The following PCDH15 variants were observed in gnomAD, a reference collection of about 807,000 sequenced individuals.
The protein encoded by PCDH15 is protocadherin related 15.
A neutral mutation model predicts 178.5 loss-of-function variants in PCDH15; 129 were observed. The ratio of observed to expected loss-of-function variants is 0.72; its 90% CI spans 0.63 to 0.84. PCDH15 has a LOEUF of 0.84. Among genes scored for constraint, PCDH15 ranks in the 40% least tolerant of loss-of-function variants. The pLI is 0.00. For synonymous variants in PCDH15, 800 were observed against 732.0 expected, an observed-to-expected ratio of 1.09 and a Z score of -1.50; for missense variants, 2,230 against 2,099.9, an observed-to-expected ratio of 1.06 and a Z score of -1.21.
intron 21 of PCDH15, among the ~76,000 whole-genome samples, chr10:53,980,594 TTAAC>T (rs1225284022): frequency 1.3e-5 from 2 of 152,146 alleles, no homozygotes; most frequent in African/African-American, 4.8e-5. Context: ...GGAGGAAAAA[TTAAC>T]TAACATCAAT....
At chr10:55,232,205 CAT>C (rs34369630) in intron 1 of PCDH15, among the ~76,000 whole-genome samples, 39,198 of 151,494 alleles carry the variant, frequency 0.26, 5,315 homozygotes, top group Middle Eastern at 0.34. Flanking sequence ...TATAAGGACT[CAT>C]ATGTTATATT....
intron 17 of PCDH15, among the ~76,000 whole-genome samples, chr10:54,079,054 C>G (rs567914587): frequency 1.3e-5 from 2 of 152,080 alleles, no homozygotes; most frequent in Non-Finnish European, 2.9e-5. Context: ...AATGGAATAC[C>G]TGTTAGAATA....
At chr10:54,471,936 C>T (rs1010838073) in intron 3 of PCDH15, among the ~76,000 whole-genome samples, 3 of 151,814 alleles carry the variant, frequency 2.0e-5, no homozygotes, top group African/African-American at 7.3e-5. Context: ...AGTCATAGCA[C>T]AGAATATAAA....
chr10:54,494,379 C>A (rs1269345247), intron 3 of PCDH15, among the ~76,000 whole-genome samples: 1 of 152,084 alleles, frequency 6.6e-6, no homozygotes, highest in African/African-American at 2.4e-5. Flanking sequence ...GACACAGATC[C>A]TCCAAATTCA....
intron 25 of PCDH15, among the ~76,000 whole-genome samples, chr10:53,907,466 G>A (rs1209846841): frequency 6.6e-6 from 1 of 152,160 alleles, no homozygotes. Flanking sequence ...GTATTGGAAA[G>A]AGAACCACAA....
intron 2 of PCDH15, among the ~76,000 whole-genome samples, chr10:55,624,995 G>A (rs1837493356): frequency 6.6e-6 from 1 of 152,042 alleles, no homozygotes; most frequent in African/African-American, 2.4e-5. Context: ...CATTTGTAGG[G>A]AAAAAGATAA....
At chr10:54,429,652 C>T (rs1238672857) in intron 3 of PCDH15, among the ~76,000 whole-genome samples, 1 of 151,892 alleles carries the variant, frequency 6.6e-6, no homozygotes, top group Non-Finnish European at 1.5e-5. Context: ...ATATTCTATG[C>T]CAATAAAAAC....
intron 1 of PCDH15, among the ~76,000 whole-genome samples, chr10:55,312,299 T>A (rs1843603430): frequency 6.6e-6 from 1 of 152,004 alleles, no homozygotes; most frequent in Non-Finnish European, 1.5e-5. Context: ...AATGCAATGG[T>A]AAAGGGTATC....
chr10:54,542,415 A>G (rs1323069595), intron 2 of PCDH15, among the ~76,000 whole-genome samples: 2 of 152,174 alleles, frequency 1.3e-5, no homozygotes, highest in Non-Finnish European at 2.9e-5. Context: ...CCTTGTCATG[A>G]AGAGTGTTTG....
At chr10:54,661,279 C>A (rs753758233) in intron 2 of PCDH15, among the ~76,000 whole-genome samples, 5 of 151,832 alleles carry the variant, frequency 3.3e-5, no homozygotes, top group Non-Finnish European at 4.4e-5. Flanking sequence ...AAATAAAAAT[C>A]TCAATTTCAT....
At chr10:55,290,117 TAAAC>T (rs1376196444) in intron 1 of PCDH15, among the ~76,000 whole-genome samples, 2 of 151,812 alleles carry the variant, frequency 1.3e-5, no homozygotes, top group Non-Finnish European at 2.9e-5. Flanking sequence ...CAACAGAAAA[TAAAC>T]AAAGGCATCT....
At chr10:54,823,447 T>G (rs550754532) in intron 3 of PCDH15, among the ~76,000 whole-genome samples, 89 of 152,114 alleles carry the variant, frequency 5.9e-4, no homozygotes, top group Non-Finnish European at 9.7e-4. Context: ...CTGGTAACAT[T>G]CCAACACTGT....
At chr10:55,386,860 C>A (rs988301857) in intron 2 of PCDH15, among the ~76,000 whole-genome samples, 10 of 151,880 alleles carry the variant, frequency 6.6e-5, no homozygotes, top group Admixed American at 2.6e-4. Flanking sequence ...AATTTTGGAG[C>A]GATTTCTAAG....
intron 13 of PCDH15, among the ~76,000 whole-genome samples, chr10:54,168,593 G>T (rs1311714683): frequency 1.3e-5 from 2 of 151,952 alleles, no homozygotes; most frequent in African/African-American, 2.4e-5. Flanking sequence ...CTCTTAAAAA[G>T]GTGGCTGGAG....
At chr10:53,905,209 C>A (rs765688651) in intron 25 of PCDH15, 1 of 518,954 alleles carries the variant, frequency 1.9e-6, no homozygotes, top group Non-Finnish European at 3.8e-6. Flanking sequence ...GACTAAACGT[C>A]ATCTGCTCCC....
At chr10:54,030,053 T>C (rs2093246701) in intron 18 of PCDH15, among the ~76,000 whole-genome samples, 1 of 152,114 alleles carries the variant, frequency 6.6e-6, no homozygotes, top group Non-Finnish European at 1.5e-5. Flanking sequence ...ATTATTTAGA[T>C]AGAAAATTTT....
intron 2 of PCDH15, among the ~76,000 whole-genome samples, chr10:54,601,922 A>G: frequency 6.6e-6 from 1 of 151,958 alleles, no homozygotes; most frequent in Non-Finnish European, 1.5e-5. Flanking sequence ...TATAAGTGGG[A>G]GCTAAATGAT....
chr10:55,426,521 G>T (rs1838761130), intron 2 of PCDH15, among the ~76,000 whole-genome samples: 1 of 152,140 alleles, frequency 6.6e-6, no homozygotes. Context: ...CGCAAACCCG[G>T]TAGCCCCAGA....
chr10:55,077,435 CTTT>C (rs775684369), intron 2 of PCDH15, among the ~76,000 whole-genome samples: 5 of 144,538 alleles, frequency 3.5e-5, no homozygotes, highest in African/African-American at 1.0e-4. Flanking sequence ...TCCTTCCTTC[CTTT>C]CTTCCTTCCT....
Sources: gnomAD v4.1 joint callset for allele counts (sites outside exome capture counted in the v4.1 genomes callset) on GRCh38, gnomAD v4.1.1 for gene constraint, MANE v1.5 for transcripts, NCBI Gene and HGNC (gene_info 2026-07-23, HGNC 2026-07-21) for gene names.